Variants in UNC5D observed in about 807,000 individuals in gnomAD.
UNC5D encodes netrin receptor UNC5D.
UNC5D carries 39 observed loss-of-function variants against 105.4 expected under a neutral mutation model. The ratio of observed to expected loss-of-function variants is 0.37; its 90% CI spans 0.29 to 0.48. The LOEUF is 0.48. Among genes scored for constraint, UNC5D ranks in the 20% least tolerant of loss-of-function variants. UNC5D has a pLI of 0.98. For missense variants in UNC5D, 991 were observed against 1,202.4 expected (o/e 0.82, Z 2.60); for synonymous variants, 452 against 450.4 (o/e 1.00, Z -0.04).
chr8:35,347,710 A>G (rs1350131038), intron 1 of UNC5D, among the ~76,000 whole-genome samples: 2 of 152,012 alleles, frequency 1.3e-5, no homozygotes, highest in African/African-American at 4.8e-5. Context: ...CAGCAAAGAG[A>G]GAAAGAGGCC....
In UNC5D at chr8:35,591,176, T is replaced by A. The variant is rs532944798; in HGVS notation, c.467-4378T>A. ...CTTACAATCTCATGGTCCTATCATGTCTGACACTACATTGTTGTTAGGTTA... is the reference window on the plus strand; with the variant it reads ...CTTACAATCTCATGGTCCTATCATGACTGACACTACATTGTTGTTAGGTTA... On this transcript the variant is annotated intron_variant, in intron 3 of 16. Transcript: ENST00000404895. Among the ~76,000 whole-genome samples the A allele has an allele frequency of 3.3e-5, 5 of 152,258 alleles. No individual in the cohort carries two copies. In the East Asian group the frequency reaches 7.7e-4, roughly 24 times the overall value.
At chr8:35,638,515 CA>C (rs765103532) in intron 4 of UNC5D, among the ~76,000 whole-genome samples, 4 of 151,878 alleles carry the variant, frequency 2.6e-5, no homozygotes, top group Non-Finnish European at 5.9e-5. Flanking sequence ...CATAATTTGG[CA>C]AGGCTTGGTG....
intron 1 of UNC5D, among the ~76,000 whole-genome samples, chr8:35,250,976 T>C (rs1349754669): frequency 6.6e-6 from 1 of 152,210 alleles, no homozygotes; most frequent in Non-Finnish European, 1.5e-5. Context: ...ATGGATTTAA[T>C]GCATGCATTG....
rs756287341 is a variant in UNC5D, at chr8:35,767,216, C to T, written c.2478+150C>T. 10 of 1,051,660 alleles carry T rather than the reference C, an allele frequency of 9.5e-6. No individual in the cohort carries two copies. The South Asian group carries it at 1.1e-4, about 11-fold the overall frequency. The allele number at this position is 1,051,660 out of a possible 1,614,324, so 65.1% of individuals were successfully genotyped here. On this transcript the variant is annotated intron_variant, in intron 15 of 16. Coordinates refer to ENST00000404895, the MANE Select transcript of UNC5D (RefSeq NM_080872.4). ...TTCATTACTGATGAGGGAAAATAAG[C>T]TTTGTCGCATGCCGAGGATTGAACT... is the stretch of plus-strand genomic sequence containing the variant.
At chr8:35,549,637 C>T in intron 2 of UNC5D, 127 bp downstream of exon 2, 1 of 848,934 alleles carries the variant, frequency 1.2e-6, no homozygotes, top group Non-Finnish European at 1.8e-6. Context: ...TTACATCACT[C>T]CCAGCATATA....
intron 1 of UNC5D, among the ~76,000 whole-genome samples, chr8:35,386,920 G>A (rs1803435283): frequency 6.6e-6 from 1 of 151,832 alleles, no homozygotes; most frequent in Admixed American, 6.6e-5. Flanking sequence ...TGGTGATGAG[G>A]GGGAGTTAAA....
intron 1 of UNC5D, among the ~76,000 whole-genome samples, chr8:35,311,820 G>A (rs1808909707): frequency 6.6e-6 from 1 of 152,094 alleles, no homozygotes; most frequent in Non-Finnish European, 1.5e-5. Context: ...AAAGTACAAG[G>A]AAGATAACCT....
chr8:35,493,317 CA>C (rs1388278529), intron 1 of UNC5D, among the ~76,000 whole-genome samples: 1 of 77,970 alleles, frequency 1.3e-5, no homozygotes, highest in Non-Finnish European at 2.8e-5. Flanking sequence ...CACCAAAAAA[CA>C]AAAACAAAAA....
rs78049215 is a variant in UNC5D, at chr8:35,516,066, A to G, written c.104-33226A>G. 8.9e-3 allele frequency among the ~76,000 whole-genome samples: 1,347 copies of G among 151,924 alleles called. 14 individuals carry two copies. The highest frequency in any genetic ancestry group is 0.015 in the Non-Finnish European group (1,046 of 67,976). On this transcript the variant is annotated intron_variant, in intron 1 of 16. Coordinates refer to ENST00000404895, the MANE Select transcript of UNC5D (RefSeq NM_080872.4). Reference sequence around the variant, plus strand: ...TAATTCCTATGCTTTTTTTTATGTCATTTATCATCCTACTTATTTATCACA... The same window carrying G: ...TAATTCCTATGCTTTTTTTTATGTCGTTTATCATCCTACTTATTTATCACA...
At chr8:35,253,121 T>C (rs1422583983) in intron 1 of UNC5D, among the ~76,000 whole-genome samples, 7 of 151,862 alleles carry the variant, frequency 4.6e-5, no homozygotes, top group East Asian at 1.9e-4. Context: ...TGTGTGTGTG[T>C]GCGTGTGTGT....
intron 4 of UNC5D, among the ~76,000 whole-genome samples, chr8:35,657,025 C>G (rs953986782): frequency 7.2e-6 from 1 of 138,788 alleles, no homozygotes; most frequent in African/African-American, 2.7e-5. Context: ...TGCTATGCTG[C>G]CCAAGCTGGA....
At chr8:35,297,852 C>T (rs937146606) in intron 1 of UNC5D, among the ~76,000 whole-genome samples, 9 of 151,970 alleles carry the variant, frequency 5.9e-5, no homozygotes, top group Non-Finnish European at 8.8e-5. Context: ...ATACTAAAAC[C>T]GCAAACTCAC....
chr8:35,737,252 CTGTGTGTGTGTGTGTGTGTGTGTGTG>C (rs369792188), intron 11 of UNC5D, among the ~76,000 whole-genome samples: 10 of 119,846 alleles, frequency 8.3e-5, no homozygotes, highest in Admixed American at 2.7e-4. Flanking sequence ...AAGATCTGCT[CTGTGTGTGTGTGTGTGTGTGTGTGTG>C]TGTGTGTGTG....
chr8:35,404,791 C>T lies in UNC5D; in HGVS notation c.104-144501C>T, dbSNP rs140830562. The stretch of plus-strand genomic sequence containing the variant: ...TTTTAGTAGAGATGGGATTTCACCA[C>T]GTTGGCCAGGCTGGTCTTGAACTCC... On this transcript the variant is annotated intron_variant, in intron 1 of 16. Coordinates refer to ENST00000404895, the MANE Select transcript of UNC5D (RefSeq NM_080872.4). Among the ~76,000 whole-genome samples the T allele has an allele frequency of 1.3e-3, 204 of 152,038 alleles. 1 individual carries two copies. Among genetic ancestry groups the T allele is most frequent in the Non-Finnish European group, 2.4e-3 (162 of 67,960 alleles).
intron 11 of UNC5D, among the ~76,000 whole-genome samples, chr8:35,736,304 G>A (rs1379441516): frequency 1.3e-5 from 2 of 152,206 alleles, no homozygotes; most frequent in Non-Finnish European, 2.9e-5. Flanking sequence ...ATGGGAGGTC[G>A]AGGCTGCTGT....
At chr8:35,492,040 T>A (rs1354537731) in intron 1 of UNC5D, among the ~76,000 whole-genome samples, 2 of 152,100 alleles carry the variant, frequency 1.3e-5, no homozygotes, top group African/African-American at 2.4e-5. Flanking sequence ...TAGTCTCAAA[T>A]GTTTCACTTA....
At chr8:35,710,617 G>A (rs557392306) in intron 8 of UNC5D, among the ~76,000 whole-genome samples, 4 of 152,216 alleles carry the variant, frequency 2.6e-5, no homozygotes, top group African/African-American at 9.6e-5. Context: ...CTAGATAATG[G>A]CGTGAATAGA....
intron 14 of UNC5D, among the ~76,000 whole-genome samples, chr8:35,762,500 T>C (rs1801580944): frequency 6.6e-6 from 1 of 152,224 alleles, no homozygotes. Context: ...CCCACGATGC[T>C]AGTCTCCCCA....
intron 1 of UNC5D, among the ~76,000 whole-genome samples, chr8:35,476,177 T>G (rs1239752248): frequency 6.6e-6 from 1 of 152,202 alleles, no homozygotes; most frequent in African/African-American, 2.4e-5. Flanking sequence ...CCATTATTTC[T>G]GCAGTTGCCT....
Sources: gnomAD v4.1 joint callset for allele counts (sites outside exome capture counted in the v4.1 genomes callset) on GRCh38, gnomAD v4.1.1 for gene constraint, MANE v1.5 for transcripts, NCBI Gene and HGNC (gene_info 2026-07-23, HGNC 2026-07-21) for gene names.